DALRD3: variants seen among roughly 807,000 people sequenced by gnomAD.
DALRD3 encodes DALR anticodon binding domain containing 3, also known as DALR anticodon-binding domain-containing protein 3.
A neutral mutation model predicts 56.7 loss-of-function variants in DALRD3; 47 were observed. The ratio of observed to expected loss-of-function variants is 0.83; its 90% CI spans 0.66 to 1.06. The LOEUF is 1.06. Ranked by LOEUF, DALRD3 falls within the 50% of genes least tolerant of loss-of-function variation. DALRD3 has a pLI of 0.00. For missense variants in DALRD3, 787 were observed against 724.0 expected (o/e 1.09, Z -1.00); for synonymous variants, 347 against 308.5 (o/e 1.12, Z -1.31).
At chr3:49,019,600 C>A (rs920793983), upstream of DALRD3, among the ~76,000 whole-genome samples, 1 of 151,524 alleles carries the variant, frequency 6.6e-6, no homozygotes, top group Non-Finnish European at 1.5e-5. Flanking sequence ...CTGCCTCAGT[C>A]TCCCAAGTAG....
intron 7 of DALRD3, 33 bp from the exon 8 acceptor site, chr3:49,016,544 C>T: frequency 2.5e-6 from 4 of 1,605,710 alleles, no homozygotes; most frequent in South Asian, 1.1e-5. Context: ...AGTCAGTCTG[C>T]AGGCAAGGGC....
rs2093097629 is a variant in DALRD3 at position 49,017,334 on chromosome 3, G to A, written c.821C>T (p.Thr274Ile). 1 of 1,614,114 alleles carries A rather than the reference G, an allele frequency of 6.2e-7. No individual in the cohort carries two copies. Among genetic ancestry groups the A allele is most frequent in the Non-Finnish European group, 8.5e-7 (1 of 1,180,058 alleles). ...PGLAGASDTG[T>I]GGCLVVHVVS... is the part of the protein sequence containing the mutation. ...AACATGTACAACCAGGCAGCCGCCT[G>A]TACCAGTATCTGAGGCCCCAGCCTA... The change falls in exon 5 of 12, where the codon ACA becomes ATA. Residue 274 changes from threonine to isoleucine, a missense_variant. Physicochemically the swap from Thr to Ile is moderately conservative, Grantham distance 89. Transcript: ENST00000341949.
upstream of DALRD3, chr3:49,019,003 T>C (rs535342049): frequency 6.0e-5 from 59 of 985,372 alleles, no homozygotes; most frequent in East Asian, 1.1e-4. Context: ...ACTTAAAATA[T>C]CTCGTTTTAA....
At position 49,016,286 on chromosome 3, in the gene DALRD3, T is replaced by G. The variant is rs1046511188; in HGVS notation, c.1201A>C (p.Thr401Pro). 9 of 1,613,132 alleles carry G rather than the reference T, an allele frequency of 5.6e-6. No individual in the cohort carries two copies. Among genetic ancestry groups the G allele is most frequent in the Non-Finnish European group, 7.6e-6 (9 of 1,179,250 alleles). The change falls in exon 9 of 12, where the codon ACC becomes CCC. Residue 401 changes from threonine (T) to proline (P), a missense_variant. Coordinates refer to ENST00000341949, the MANE Select transcript of DALRD3 (RefSeq NM_001009996.3). ...CGGGCACAATTATACATGACAAAGG[T>G]GCCACTCTTTGTGCCCTTCGTGGAG... ...SISTKGTKSG[T>P]FVMYNCARLA... is the part of the protein sequence containing the mutation.
Position 49,016,213 on chromosome 3 carries a change from A to G in DALRD3, c.1274T>C (p.Leu425Pro). ...GCTCACAGGAGGAAAAGTGGGGTAC[A>G]GACCTTGTTCCATACTACACTTGTA... ...ESYKCSMEQG[L>P]YPTFPPVSSL... The change falls in exon 9 of 12, where the codon CTG (leucine) becomes CCG (proline). Residue 425 changes from leucine to proline, a missense_variant. Leu to Pro is a moderately conservative substitution (Grantham distance 98, BLOSUM62 -3). Transcript: ENST00000341949. 1 of 1,614,204 alleles carries G rather than the reference A, an allele frequency of 6.2e-7. No individual in the cohort carries two copies. The highest frequency in any genetic ancestry group is 8.5e-7 in the Non-Finnish European group (1 of 1,180,030).
At chr3:49,017,021 C>T (rs1371386012) in intron 5 of DALRD3, 174 bp from the exon 6 acceptor site, 1 of 963,714 alleles carries the variant, frequency 1.0e-6, no homozygotes, top group Non-Finnish European at 1.6e-6. Context: ...TCCTTCTCAA[C>T]CTGGTCTTCA....
Position 49,016,263 on chromosome 3 carries a change from G to A in DALRD3, c.1224C>T (p.Ala408=). 1 of 1,613,938 alleles carries A rather than the reference G, an allele frequency of 6.2e-7. No homozygotes were observed. Among genetic ancestry groups the A allele is most frequent in the Non-Finnish European group, 8.5e-7 (1 of 1,179,918 alleles). The part of the protein sequence containing the change: ...KSGTFVMYNC[A]RLATLFESYK... ...AACTCTCAAAGAGTGTGGCAAGACG[G>A]GCACAATTATACATGACAAAGGTGC... The change falls in exon 9 of 12, where the codon GCC becomes GCT. Residue 408 remains alanine (A), a synonymous_variant. Coordinates refer to ENST00000341949, the MANE Select transcript of DALRD3 (RefSeq NM_001009996.3).
upstream of DALRD3, among the ~76,000 whole-genome samples, chr3:49,019,380 T>C (rs918521987): frequency 3.9e-5 from 6 of 151,988 alleles, no homozygotes; most frequent in Non-Finnish European, 8.8e-5. Context: ...CCGGGTGGTC[T>C]TTATGCCCAA....
rs775164251 is a variant in DALRD3 at position 49,017,486 on chromosome 3, G to C, written c.746C>G (p.Ala249Gly). Residue 249 changes from alanine to glycine, a missense_variant, in exon 4 of 12, where the codon GCT (alanine) becomes GGT (glycine). Physicochemically the swap from Ala to Gly is moderately conservative, Grantham distance 60. Coordinates refer to ENST00000341949, the MANE Select transcript of DALRD3 (RefSeq NM_001009996.3). ...ATGCCATAGAGCCTCTTGCAGCTCA[G>C]CCAGCACAGAGAGGAGATCCTCAGT... ...LVTEDLLSVL[A>G]ELQEALWHWP... 1 of 1,614,148 alleles carries C rather than the reference G, an allele frequency of 6.2e-7. No individual in the cohort carries two copies. The highest frequency in any genetic ancestry group is 8.5e-7 in the Non-Finnish European group (1 of 1,180,050).
At chr3:49,021,496 C>A (rs1219091365), upstream of DALRD3, 1 of 154,770 alleles carries the variant, frequency 6.5e-6, no homozygotes, top group African/African-American at 2.4e-5. This position sits in a 1 kb window ranked among gnomAD's most constrained non-coding sequence, Gnocchi z 4.1. Flanking sequence ...CTTGCCCTTC[C>A]GCTTGCTCTG....
At chr3:49,018,633 T>C (rs1220713186), upstream of DALRD3, 74 of 1,461,028 alleles carry the variant, frequency 5.1e-5, no homozygotes, top group Non-Finnish European at 6.0e-5. Context: ...AAGGACCGAC[T>C]AGCTGGGGCG....
chr3:49,018,368 C>G (rs1329553890), intron 1 of DALRD3, 32 bp downstream of exon 1: 12 of 1,529,054 alleles, frequency 7.8e-6, no homozygotes, highest in South Asian at 3.7e-5. Flanking sequence ...GCCCATCTCC[C>G]GGCCGCACGG....
rs2093063929 is a variant in DALRD3 at position 49,016,079 on chromosome 3, C to T, written c.1337G>A (p.Trp446Ter). The T allele has an allele frequency of 2.5e-6, 4 of 1,603,294 alleles. No individual in the cohort carries two copies. The highest frequency in any genetic ancestry group is 1.1e-5 in the South Asian group (1 of 90,008). The change falls in exon 10 of 12, where the codon TGG becomes TAG. Residue 446 changes from tryptophan to a stop codon, truncating the protein, a stop_gained. Transcript: ENST00000341949. LOFTEE classifies it high-confidence loss of function. ...GAGGATACTGTTGAAGAGCAACAAC[C>T]ACTCACCCTGTTGGGGAGAAAGGTG... is the stretch of plus-strand genomic sequence containing the variant. ...DFSLLHDEGE[W>*]LLLFNSILPF...
rs754608438 is a variant in DALRD3 at position 49,018,416 on chromosome 3, C to T, written c.149G>A (p.Arg50His). The T allele has an allele frequency of 2.5e-6, 4 of 1,575,226 alleles. No individual in the cohort carries two copies. Among genetic ancestry groups the T allele is most frequent in the Non-Finnish European group, 3.4e-6 (4 of 1,162,222 alleles). The part of the protein sequence containing the change: ...FLAPHRALQA[R>H]FDDGQVPEHL... ...CACGCCCACCTGGCCGTCATCGAAG[C>T]GCGCCTGCAGCGCGCGGTGCGGTGC... The change falls in exon 1 of 12, where the codon CGC (arginine) becomes CAC (histidine). Residue 50 changes from arginine to histidine, a missense_variant. Coordinates refer to ENST00000341949, the MANE Select transcript of DALRD3 (RefSeq NM_001009996.3).
At chr3:49,020,223 C>G (rs770910900), upstream of DALRD3, 1 of 534,746 alleles carries the variant, frequency 1.9e-6, no homozygotes, top group Non-Finnish European at 3.8e-6. Context: ...CGTGTCATTC[C>G]AAAGCGCTTT....
At chr3:49,018,935 T>A (rs2093127293), upstream of DALRD3, 16 of 984,334 alleles carry the variant, frequency 1.6e-5, no homozygotes, top group Non-Finnish European at 1.9e-5. Flanking sequence ...ATTTTACACA[T>A]GATGAATATT....
chr3:49,017,171 G>A, intron 5 of DALRD3, 57 bp downstream of exon 5: 1 of 1,611,472 alleles, frequency 6.2e-7, no homozygotes, highest in Non-Finnish European at 8.5e-7. Context: ...GGTTTTCAAG[G>A]GCCCTCTGAG....
upstream of DALRD3, chr3:49,020,254 C>T (rs145455372): frequency 3.7e-6 from 2 of 533,656 alleles, no homozygotes; most frequent in African/African-American, 1.9e-5. Context: ...GGTGCATGAC[C>T]TGGAGACAAC....
At chr3:49,018,606 G>A, upstream of DALRD3, 1 of 1,508,108 alleles carries the variant, frequency 6.6e-7, no homozygotes, top group East Asian at 2.6e-5. Context: ...AAAATTTAGG[G>A]AGGTGGAACT....
Sources: allele counts gnomAD v4.1 joint callset (sites outside exome capture counted in the v4.1 genomes callset), GRCh38; gene constraint gnomAD v4.1.1; non-coding constraint Gnocchi (gnomAD v3.1); transcripts MANE v1.5; gene names NCBI Gene and HGNC (gene_info 2026-07-23, HGNC 2026-07-21).